The following NCAM2 variants were observed in gnomAD, a reference collection of about 807,000 sequenced individuals.
NCAM2 encodes N-CAM-2.
NCAM2 carries 30 observed loss-of-function variants against 98.1 expected under a neutral mutation model. The ratio of observed to expected loss-of-function variants is 0.31; its 90% confidence interval spans 0.23 to 0.41. The LOEUF (loss-of-function observed/expected upper bound fraction) is 0.41, where lower values mean the gene tolerates loss of function less well. Among genes scored for constraint, NCAM2 ranks in the 10% least tolerant of loss-of-function variants. NCAM2 has a pLI of 1.00. For synonymous variants in NCAM2, 368 were observed against 342.4 expected (o/e 1.07, Z -0.83); for missense variants, 867 against 1,005.8 (o/e 0.86, Z 1.87).
intron 13 of NCAM2, among the ~76,000 whole-genome samples, 191 bp downstream of exon 13, chr21:21,466,916 GA>G (rs1020169332): frequency 6.6e-6 from 1 of 151,622 alleles, no homozygotes; most frequent in Non-Finnish European, 1.5e-5. Context: ...GAGCAAGGCA[GA>G]AAAAAAAGAG....
At position 21,258,698 on chromosome 21, in the gene NCAM2, G is replaced by A. The variant is rs144304310; in HGVS notation, c.56-21880G>A. 8.3e-3 allele frequency among the ~76,000 whole-genome samples: 1,259 copies of A among 152,194 alleles called. 7 individuals carry two copies. Among genetic ancestry groups the A allele is most frequent in the Non-Finnish European group, 0.012 (836 of 68,002 alleles). Reference sequence around the variant, plus strand: ...GAACTGAGGTGGCAGGCGCCATACTGTTTGTGCACGCATGGTGGGCCACTG... The same window carrying A: ...GAACTGAGGTGGCAGGCGCCATACTATTTGTGCACGCATGGTGGGCCACTG... On this transcript the variant is annotated intron_variant, in intron 1 of 17. Transcript: ENST00000400546.
intron 12 of NCAM2, among the ~76,000 whole-genome samples, chr21:21,439,119 T>C (rs1978846765): frequency 8.4e-6 from 1 of 118,922 alleles, no homozygotes; most frequent in South Asian, 3.0e-4. Flanking sequence ...AAGTAAGTAC[T>C]TCCTTTTTTT....
intron 1 of NCAM2, among the ~76,000 whole-genome samples, chr21:21,065,979 T>C (rs1253402746): frequency 1.3e-5 from 2 of 152,186 alleles, no homozygotes; most frequent in Non-Finnish European, 2.9e-5. Flanking sequence ...AATAGGTATA[T>C]GCAGAACAGA....
In NCAM2 at chr21:21,538,884, G is replaced by A. The variant is rs983491023; in HGVS notation, c.*927G>A. 2.6e-5 allele frequency: 4 copies of A among 151,866 alleles called. No homozygotes were observed. Among genetic ancestry groups the A allele is most frequent in the African/African-American group, 4.8e-5 (2 of 41,358 alleles). 9.4% of individuals were successfully genotyped at this position (151,866 alleles called of 1,614,324 possible). A position where few individuals can be genotyped will look rare whatever the true frequency, so the allele number is the denominator to read the frequency against. Reference sequence around the variant, plus strand: ...TCAAATACTTCAAATCATATCCTCAGATATATTTTTAGCCCATGGTTTTAT... The same window carrying A: ...TCAAATACTTCAAATCATATCCTCAAATATATTTTTAGCCCATGGTTTTAT... On this transcript the variant is annotated 3_prime_UTR_variant, in exon 18 of 18. Coordinates refer to ENST00000400546, the MANE Select transcript of NCAM2 (RefSeq NM_004540.5).
At chr21:21,518,988 G>A (rs1259376273) in intron 16 of NCAM2, among the ~76,000 whole-genome samples, 1 of 152,094 alleles carries the variant, frequency 6.6e-6, no homozygotes, top group Non-Finnish European at 1.5e-5. Context: ...TGGGTAATAA[G>A]GAGCTGGTAA....
intron 12 of NCAM2, among the ~76,000 whole-genome samples, chr21:21,441,117 T>C (rs1979198819): frequency 1.3e-5 from 2 of 152,250 alleles, no homozygotes; most frequent in Non-Finnish European, 1.5e-5. Flanking sequence ...CTGGAAGTGT[T>C]TCTGCTTCAG....
At chr21:21,108,375 A>G (rs2066391642) in intron 1 of NCAM2, among the ~76,000 whole-genome samples, 2 of 152,104 alleles carry the variant, frequency 1.3e-5, no homozygotes, top group South Asian at 4.1e-4. Flanking sequence ...ATAGCAATCT[A>G]GAATACATTT....
chr21:21,074,453 T>G lies in NCAM2; in HGVS notation c.55+75835T>G, dbSNP rs2065637195. On this transcript the variant is annotated intron_variant, in intron 1 of 17. Coordinates refer to ENST00000400546, the MANE Select transcript of NCAM2 (RefSeq NM_004540.5). The stretch of plus-strand genomic sequence containing the variant: ...TACATTTATTTTACATAAATTTGAT[T>G]TGATAAAATGAATGTGTATGACACA... 2.0e-5 allele frequency among the ~76,000 whole-genome samples: 3 copies of G among 152,310 alleles called. No individual in the cohort carries two copies. The South Asian group carries it at 6.2e-4, about 32-fold the overall frequency.
chr21:21,313,940 A>G (rs186726234), intron 5 of NCAM2, among the ~76,000 whole-genome samples: 8 of 152,182 alleles, frequency 5.3e-5, no homozygotes, highest in Admixed American at 6.5e-5. Flanking sequence ...TGTAGAAAGT[A>G]TAGCATCATA....
chr21:21,267,242 T>C lies in NCAM2; in HGVS notation c.56-13336T>C, dbSNP rs570835114. Among the ~76,000 whole-genome samples the C allele has an allele frequency of 1.6e-3, 238 of 152,302 alleles. 1 individual carries two copies. Among genetic ancestry groups the C allele is most frequent in the African/African-American group, 5.5e-3 (227 of 41,574 alleles). ...TTTTCTTAGCATTGATTGAGAAACTTGGTGACTCCAAGCATACTTGTTACA... is the reference window on the plus strand; with the variant it reads ...TTTTCTTAGCATTGATTGAGAAACTCGGTGACTCCAAGCATACTTGTTACA... On this transcript the variant is annotated intron_variant, in intron 1 of 17. Coordinates refer to ENST00000400546, the MANE Select transcript of NCAM2 (RefSeq NM_004540.5).
At chr21:21,241,789 T>C (rs2071077585) in intron 1 of NCAM2, among the ~76,000 whole-genome samples, 1 of 152,048 alleles carries the variant, frequency 6.6e-6, no homozygotes, top group African/African-American at 2.4e-5. Context: ...AGGGTCTGCA[T>C]AGAGAACATT....
At chr21:21,489,531 T>C (rs909035268) in intron 15 of NCAM2, among the ~76,000 whole-genome samples, 2 of 152,158 alleles carry the variant, frequency 1.3e-5, no homozygotes, top group Non-Finnish European at 2.9e-5. Context: ...TATGTTTCTG[T>C]TCATTGTTTG....
intron 11 of NCAM2, among the ~76,000 whole-genome samples, chr21:21,428,620 A>G (rs2077264948): frequency 6.6e-6 from 1 of 152,244 alleles, no homozygotes; most frequent in South Asian, 2.1e-4. Context: ...CTTGGGAGGT[A>G]ACAGAGGAAA....
intron 1 of NCAM2, among the ~76,000 whole-genome samples, chr21:21,197,578 G>A (rs2146999800): frequency 6.6e-6 from 1 of 152,238 alleles, no homozygotes; most frequent in Non-Finnish European, 1.5e-5. Flanking sequence ...ATGTTAAGAG[G>A]CATAGAAATA....
intron 1 of NCAM2, among the ~76,000 whole-genome samples, chr21:21,126,256 A>AAAAAC (rs2066821825): frequency 6.6e-6 from 1 of 151,318 alleles, no homozygotes; most frequent in Non-Finnish European, 1.5e-5. Context: ...AAAAAAAAAA[A>AAAAAC]AATCGCAGAA....
Position 21,496,557 on chromosome 21 carries a change from T to C in NCAM2, c.2078-12294T>C, listed in dbSNP as rs545781835. ...TTCGTGAATATTTTCCCCCGTTCTGTAGATTTTCTCTTTGCCCTGTTGATC... is the reference window on the plus strand; with the variant it reads ...TTCGTGAATATTTTCCCCCGTTCTGCAGATTTTCTCTTTGCCCTGTTGATC... On this transcript the variant is annotated intron_variant, in intron 15 of 17. Coordinates refer to ENST00000400546, the MANE Select transcript of NCAM2 (RefSeq NM_004540.5). Among the ~76,000 whole-genome samples the C allele has an allele frequency of 3.9e-5, 6 of 152,234 alleles. No individual in the cohort carries two copies. The East Asian group carries it at 1.2e-3, about 29-fold the overall frequency.
intron 1 of NCAM2, among the ~76,000 whole-genome samples, chr21:21,022,116 T>A (rs1305357329): frequency 6.6e-6 from 1 of 152,076 alleles, no homozygotes; most frequent in Non-Finnish European, 1.5e-5. Flanking sequence ...TAGAATGTAG[T>A]CTTGAAAGAC....
chr21:21,206,381 G>A (rs2069438472), intron 1 of NCAM2, among the ~76,000 whole-genome samples: 1 of 152,094 alleles, frequency 6.6e-6, no homozygotes, highest in African/African-American at 2.4e-5. Context: ...AATTAGTTGT[G>A]TATGGAAGAA....
intron 1 of NCAM2, among the ~76,000 whole-genome samples, chr21:21,022,323 TA>T (rs1237103718): frequency 6.6e-6 from 1 of 152,126 alleles, no homozygotes; most frequent in Non-Finnish European, 1.5e-5. Flanking sequence ...TCCTTCTCAA[TA>T]CTTTACTTCC....
Sources: allele counts gnomAD v4.1 joint callset (sites outside exome capture counted in the v4.1 genomes callset), GRCh38; gene constraint gnomAD v4.1.1; transcripts MANE v1.5; gene names NCBI Gene and HGNC (gene_info 2026-07-23, HGNC 2026-07-21).